The following KCNMB2 variants were observed in gnomAD, a reference collection of about 807,000 sequenced individuals.
The protein encoded by KCNMB2 is calcium-activated potassium channel subunit beta-2.
KCNMB2 carries 9 observed loss-of-function variants against 24.5 expected under a neutral mutation model. That is an observed-to-expected ratio of 0.37 (90% CI 0.22 to 0.64). The LOEUF is 0.64. Among genes scored for constraint, KCNMB2 ranks in the 30% least tolerant of loss-of-function variants. KCNMB2 has a pLI of 0.63. For synonymous variants in KCNMB2, 109 were observed against 104.4 expected (o/e 1.04, Z -0.27); for missense variants, 226 against 284.3 (o/e 0.79, Z 1.47).
intron 1 of KCNMB2, among the ~76,000 whole-genome samples, chr3:178,784,191 A>G (rs1346164257): frequency 6.6e-6 from 1 of 152,190 alleles, no homozygotes; most frequent in Non-Finnish European, 1.5e-5. Context: ...ATTTACATTT[A>G]TTAGTACCTA....
At chr3:178,671,105 C>T (rs1164778980) in intron 1 of KCNMB2, among the ~76,000 whole-genome samples, 2 of 147,180 alleles carry the variant, frequency 1.4e-5, no homozygotes, top group Non-Finnish European at 3.0e-5. Flanking sequence ...ACCACCACCC[C>T]CCACCCCAAA....
intron 1 of KCNMB2, among the ~76,000 whole-genome samples, chr3:178,600,961 T>C (rs1230680757): frequency 6.6e-6 from 1 of 152,066 alleles, no homozygotes; most frequent in Non-Finnish European, 1.5e-5. Context: ...GCATCAATGA[T>C]AGACTAGATA....
At chr3:178,600,957 A>G (rs1971937) in intron 1 of KCNMB2, among the ~76,000 whole-genome samples, 36,144 of 152,034 alleles carry the variant, frequency 0.24, 5,025 homozygotes, top group East Asian at 0.43. Flanking sequence ...TCCAGCATCA[A>G]TGATAGACTA....
intron 1 of KCNMB2, 66 bp downstream of exon 1, chr3:178,536,777 T>C (rs895395053): frequency 6.6e-6 from 1 of 152,492 alleles, no homozygotes; most frequent in South Asian, 2.1e-4. Flanking sequence ...TTCTGTGGCG[T>C]GAGGATCGTG....
At chr3:178,742,083 T>G (rs543033651) in intron 1 of KCNMB2, among the ~76,000 whole-genome samples, 1 of 152,338 alleles carries the variant, frequency 6.6e-6, no homozygotes, top group East Asian at 1.9e-4. Context: ...TAAAAATACA[T>G]TTGACTACAG....
At chr3:178,691,105 G>GTTTTTTTTTTTTTTTTTTTTTTTTT in intron 1 of KCNMB2, among the ~76,000 whole-genome samples, 1 of 32,958 alleles carries the variant, frequency 3.0e-5, no homozygotes, top group African/African-American at 2.3e-4. Flanking sequence ...TCCCCATTAA[G>GTTTTTTTTTTTTTTTTTTTTTTTTT]TCTTTTTTTT....
intron 1 of KCNMB2, among the ~76,000 whole-genome samples, chr3:178,796,504 C>T (rs905923994): frequency 6.6e-6 from 1 of 151,960 alleles, no homozygotes; most frequent in African/African-American, 2.4e-5. Flanking sequence ...ATAAGTTATG[C>T]CACAAATAAG....
intron 1 of KCNMB2, among the ~76,000 whole-genome samples, chr3:178,719,657 CA>C (rs1267905880): frequency 6.6e-6 from 1 of 152,194 alleles, no homozygotes; most frequent in Non-Finnish European, 1.5e-5. Context: ...AATACCATTG[CA>C]AACTGGAGAC....
At chr3:178,804,494 T>C (rs1416374650) in intron 1 of KCNMB2, among the ~76,000 whole-genome samples, 1 of 152,214 alleles carries the variant, frequency 6.6e-6, no homozygotes, top group African/African-American at 2.4e-5. Flanking sequence ...ATCCACTTAT[T>C]GGAATAAACT....
chr3:178,639,936 T>C lies in KCNMB2; in HGVS notation c.-68+103225T>C, dbSNP rs75695221. Among the ~76,000 whole-genome samples the C allele has an allele frequency of 5.9e-3, 896 of 152,344 alleles. 9 individuals carry two copies. The highest frequency in any genetic ancestry group is 0.02 in the African/African-American group (852 of 41,584). ...GTGAGGGATGGAATCAGTGTGAGCA[T>C]GTATTAACCTCATGGCTAAAAGTAG... On this transcript the variant is annotated intron_variant, in intron 1 of 4. Coordinates refer to ENST00000452583, the MANE Select transcript of KCNMB2 (RefSeq NM_181361.3).
chr3:178,710,872 T>C (rs1177053839), intron 1 of KCNMB2, among the ~76,000 whole-genome samples: 1 of 152,182 alleles, frequency 6.6e-6, no homozygotes, highest in African/African-American at 2.4e-5. Context: ...TTCTGTTACA[T>C]CCATTATGCA....
intron 1 of KCNMB2, among the ~76,000 whole-genome samples, chr3:178,589,682 T>C (rs1717590103): frequency 6.6e-6 from 1 of 152,144 alleles, no homozygotes; most frequent in African/African-American, 2.4e-5. Context: ...GCCCTTGCTG[T>C]GTTGCCTACG....
chr3:178,749,851 G>A (rs971465096), intron 1 of KCNMB2, among the ~76,000 whole-genome samples: 1 of 152,192 alleles, frequency 6.6e-6, no homozygotes, highest in African/African-American at 2.4e-5. Context: ...AGGTAGCTGA[G>A]AAGTGTTTCT....
At chr3:178,703,140 G>A (rs950582665) in intron 1 of KCNMB2, among the ~76,000 whole-genome samples, 4 of 152,132 alleles carry the variant, frequency 2.6e-5, no homozygotes, top group African/African-American at 9.7e-5. Context: ...AAAAAGGAGA[G>A]AGATGATGAC....
chr3:178,715,671 A>G (rs1722597238), intron 1 of KCNMB2, among the ~76,000 whole-genome samples: 1 of 152,136 alleles, frequency 6.6e-6, no homozygotes, highest in Non-Finnish European at 1.5e-5. Context: ...GTTATATCCA[A>G]CTGGGACCTG....
At chr3:178,568,773 TGATAGATA>T (rs5854804) in intron 1 of KCNMB2, among the ~76,000 whole-genome samples, 2,304 of 115,990 alleles carry the variant, frequency 0.02, 34 homozygotes, top group East Asian at 0.048. Context: ...GATAGATAGA[TGATAGATA>T]GATAGATAGA....
rs553091871 is a variant in KCNMB2, at chr3:178,660,614, T to C, written c.-68+123903T>C. Reference sequence around the variant, plus strand: ...ATTATCTACTCTGTGGCAGGTTATATGTTAAATATCTTTCATACATAATCA... The same window carrying C: ...ATTATCTACTCTGTGGCAGGTTATACGTTAAATATCTTTCATACATAATCA... On this transcript the variant is annotated intron_variant, in intron 1 of 4. Coordinates refer to ENST00000452583, the MANE Select transcript of KCNMB2 (RefSeq NM_181361.3). Among the ~76,000 whole-genome samples the C allele has an allele frequency of 2.6e-5, 4 of 152,144 alleles. No homozygotes were observed. The East Asian group carries it at 5.8e-4, about 22-fold the overall frequency.
intron 1 of KCNMB2, among the ~76,000 whole-genome samples, chr3:178,587,190 T>C (rs930686742): frequency 3.9e-5 from 6 of 152,192 alleles, no homozygotes; most frequent in African/African-American, 1.4e-4. Context: ...GGCTCCTAAC[T>C]TCTTCAGCTT....
chr3:178,608,818 C>T lies in KCNMB2; in HGVS notation c.-68+72107C>T, dbSNP rs532044534. ...TCTATGTTGCTACAAATGACTGTATCGCATCCTTTTTTATGGTTAAATAGT... is the reference window on the plus strand; with the variant it reads ...TCTATGTTGCTACAAATGACTGTATTGCATCCTTTTTTATGGTTAAATAGT... On this transcript the variant is annotated intron_variant, in intron 1 of 4. Coordinates refer to ENST00000452583, the MANE Select transcript of KCNMB2 (RefSeq NM_181361.3). Among the ~76,000 whole-genome samples, 182 of 152,208 alleles carry T rather than the reference C, an allele frequency of 1.2e-3. 2 individuals are homozygous for T. Among genetic ancestry groups the T allele is most frequent in the African/African-American group, 4.1e-3 (169 of 41,526 alleles).
Sources: gnomAD v4.1 joint callset for allele counts (sites outside exome capture counted in the v4.1 genomes callset) on GRCh38, gnomAD v4.1.1 for gene constraint, MANE v1.5 for transcripts, NCBI Gene and HGNC (gene_info 2026-07-23, HGNC 2026-07-21) for gene names.